The following LARGE1 variants were observed in gnomAD, a reference collection of about 807,000 sequenced individuals.
LARGE1 encodes the protein xylosyl- and glucuronyltransferase LARGE1.
LARGE1 carries 43 observed loss-of-function variants against 87.6 expected under a neutral mutation model. The observed-to-expected ratio is 0.49, with a 90% CI of 0.38 to 0.63. The LOEUF (loss-of-function observed/expected upper bound fraction) is 0.63, where lower values mean the gene tolerates loss of function less well. Ranked by LOEUF, LARGE1 falls within the 30% of genes least tolerant of loss-of-function variation. LARGE1 has a pLI of 0.00. For missense variants in LARGE1, 802 were observed against 1,000.2 expected, an observed-to-expected ratio of 0.80 and a Z score of 2.67; for synonymous variants, 434 against 394.6, an observed-to-expected ratio of 1.10 and a Z score of -1.18.
intron 12 of LARGE1, 83 bp downstream of exon 12, chr22:33,304,146 T>C (rs1934542710): frequency 4.7e-6 from 7 of 1,491,800 alleles, no homozygotes; most frequent in South Asian, 1.1e-5. Context: ...GACTAGATGA[T>C]GACCCTAAGG....
At chr22:33,427,581 G>C (rs1447303306) in intron 7 of LARGE1, among the ~76,000 whole-genome samples, 1 of 152,228 alleles carries the variant, frequency 6.6e-6, no homozygotes, top group East Asian at 1.9e-4. Flanking sequence ...CTGGTATGAT[G>C]CCTGGTGGGA....
chr22:33,803,913 G>C (rs542184358), intron 1 of LARGE1, among the ~76,000 whole-genome samples: 2 of 152,164 alleles, frequency 1.3e-5, no homozygotes, highest in Non-Finnish European at 2.9e-5. Context: ...CAGTCTTATC[G>C]GGTCTGAGAA....
intron 6 of LARGE1, among the ~76,000 whole-genome samples, chr22:33,491,253 C>T (rs956316064): frequency 2.0e-5 from 3 of 152,160 alleles, no homozygotes; most frequent in African/African-American, 4.8e-5. Context: ...CACTAAAATG[C>T]TGTTTCCTGA....
chr22:33,846,757 G>A (rs1482652483), intron 1 of LARGE1, among the ~76,000 whole-genome samples: 1 of 152,160 alleles, frequency 6.6e-6, no homozygotes, highest in African/African-American at 2.4e-5. Context: ...GGGTGAAATA[G>A]ACTCCAGTCT....
In LARGE1 at chr22:33,700,015, T is replaced by C. The variant is rs1333240915; in HGVS notation, c.107-49347A>G. ...GTTCCGATGCAACCACTGACTTACA[T>C]TGCAGGTTCTAATGTAACCACTGTC... is the stretch of plus-strand genomic sequence containing the variant. On this transcript the variant is annotated intron_variant, in intron 2 of 14. Transcript: ENST00000397394. Among the ~76,000 whole-genome samples the C allele has an allele frequency of 5.3e-5, 8 of 152,334 alleles. No homozygotes were observed. The South Asian group carries it at 1.5e-3, about 28-fold the overall frequency.
chr22:33,633,061 T>C (rs1247999869), intron 3 of LARGE1, among the ~76,000 whole-genome samples: 8 of 152,146 alleles, frequency 5.3e-5, no homozygotes, highest in Admixed American at 5.2e-4. Context: ...GACCTTGTCT[T>C]ACAACCTGCA....
intron 6 of LARGE1, among the ~76,000 whole-genome samples, chr22:33,513,290 C>G (rs1414857772): frequency 6.6e-6 from 1 of 152,182 alleles, no homozygotes; most frequent in African/African-American, 2.4e-5. Flanking sequence ...GGTCAATCTT[C>G]AGTAATTTAA....
In LARGE1 at chr22:33,272,653, C is replaced by T. The variant is rs956382484; in HGVS notation, c.*1774G>A. Among the ~76,000 whole-genome samples the T allele has an allele frequency of 2.0e-5, 3 of 152,076 alleles. No homozygotes were observed. The highest frequency in any genetic ancestry group is 4.4e-5 in the Non-Finnish European group (3 of 68,008). On this transcript the variant is annotated 3_prime_UTR_variant, in exon 15 of 15. Coordinates refer to ENST00000397394, the MANE Select transcript of LARGE1 (RefSeq NM_133642.5). ...TAGCTAGATCTATGCAAAAATTAGT[C>T]CTAATGGTAATTTTCCTAATTCTTG...
intron 5 of LARGE1, among the ~76,000 whole-genome samples, chr22:33,585,998 C>T (rs1260563014): frequency 6.6e-6 from 1 of 152,036 alleles, no homozygotes; most frequent in Non-Finnish European, 1.5e-5. Context: ...TGCACCCGGC[C>T]CACTCTCTCT....
intron 5 of LARGE1, among the ~76,000 whole-genome samples, chr22:33,593,863 A>C (rs1477494217): frequency 6.6e-6 from 1 of 152,216 alleles, no homozygotes; most frequent in African/African-American, 2.4e-5. Flanking sequence ...AATCACACAG[A>C]TGAGTTGCTG....
intron 6 of LARGE1, among the ~76,000 whole-genome samples, chr22:33,527,951 C>T (rs1011238252): frequency 6.6e-6 from 1 of 152,104 alleles, no homozygotes; most frequent in Non-Finnish European, 1.5e-5. Context: ...AGATCTTAAT[C>T]TTTCAGGGTC....
chr22:33,361,995 C>T (rs2064405257), intron 9 of LARGE1, among the ~76,000 whole-genome samples: 1 of 149,342 alleles, frequency 6.7e-6, no homozygotes, highest in Non-Finnish European at 1.5e-5. Context: ...GCTTCATTCT[C>T]TAATGGTCCA....
At chr22:33,717,361 G>A (rs78148531) in intron 2 of LARGE1, among the ~76,000 whole-genome samples, 3 of 152,326 alleles carry the variant, frequency 2.0e-5, no homozygotes, top group African/African-American at 7.2e-5. Context: ...TCCATCAGGG[G>A]CCTCTTTTGG....
intron 3 of LARGE1, among the ~76,000 whole-genome samples, chr22:33,645,582 A>C (rs923196032): frequency 2.0e-5 from 3 of 152,232 alleles, no homozygotes; most frequent in African/African-American, 7.2e-5. Flanking sequence ...CAAAAGCCAA[A>C]ATTGACAAAT....
intron 6 of LARGE1, among the ~76,000 whole-genome samples, chr22:33,487,158 C>G (rs2069624293): frequency 6.6e-6 from 1 of 152,174 alleles, no homozygotes; most frequent in Non-Finnish European, 1.5e-5. Context: ...TAAACTTATG[C>G]TTATCAAATT....
intron 3 of LARGE1, among the ~76,000 whole-genome samples, chr22:33,635,366 T>C (rs115652519): frequency 2.6e-5 from 4 of 152,256 alleles, no homozygotes; most frequent in African/African-American, 9.6e-5. Flanking sequence ...TCCACCCCTG[T>C]ATGTAAGTTC....
At chr22:33,195,605 A>C (rs117454713) in intron 11 of LARGE1, among the ~76,000 whole-genome samples, 4,593 of 152,154 alleles carry the variant, frequency 0.03, 96 homozygotes, top group Admixed American at 0.056. Flanking sequence ...ATCAAAAAAG[A>C]AACCAGAAAA....
intron 8 of LARGE1, among the ~76,000 whole-genome samples, chr22:33,382,434 C>T (rs2065189160): frequency 6.6e-6 from 1 of 152,168 alleles, no homozygotes; most frequent in African/African-American, 2.4e-5. Flanking sequence ...GGAGAGGAAA[C>T]TGCATGATGA....
intron 2 of LARGE1, among the ~76,000 whole-genome samples, chr22:33,753,733 T>C (rs924128214): frequency 6.6e-6 from 1 of 152,114 alleles, no homozygotes; most frequent in African/African-American, 2.4e-5. Flanking sequence ...GGATAGCCAA[T>C]ATTATTTTAA....
Sources: gnomAD v4.1 joint callset for allele counts (sites outside exome capture counted in the v4.1 genomes callset) on GRCh38, gnomAD v4.1.1 for gene constraint, MANE v1.5 for transcripts, NCBI Gene and HGNC (gene_info 2026-07-23, HGNC 2026-07-21) for gene names.